The following ARMH1 variants were observed in gnomAD, a reference collection of about 807,000 sequenced individuals.
ARMH1 encodes armadillo-like helical domain containing protein 1.
A neutral mutation model predicts 50.2 loss-of-function variants in ARMH1; 34 were observed. That is an observed-to-expected ratio of 0.68 (90% confidence interval 0.51 to 0.90). The LOEUF is 0.90. ARMH1 is among the 40% of genes least tolerant of loss of function. The pLI is 0.00. For missense variants in ARMH1, 538 were observed against 553.9 expected (o/e 0.97, Z 0.29); for synonymous variants, 221 against 224.2 (o/e 0.99, Z 0.13).
In ARMH1 at chr1:44,724,588, C is replaced by T. The variant is rs1240482664; in HGVS notation, c.970C>T (p.Arg324Cys). The T allele has an allele frequency of 6.6e-7, 1 of 1,518,396 alleles. No individual in the cohort carries two copies. The highest frequency in any genetic ancestry group is 8.8e-7 in the Non-Finnish European group (1 of 1,135,758). 94.1% of individuals were successfully genotyped at this position (1,518,396 alleles called of 1,614,324 possible). Reference protein sequence around the residue: ...MSIAEELLYLRVVRGLMAAMG... With the variant: ...MSIAEELLYLCVVRGLMAAMG... ...CATCGCCGAGGAGCTGCTGTACCTG[C>T]GCGTGGTGCGTGGCCTAATGGCCGC... Residue 324 changes from arginine (R) to cysteine (C), a missense_variant, in exon 9 of 12, where the codon CGC (arginine) becomes TGC (cysteine). Transcript: ENST00000535358. The surrounding 1 kb of genome is among the most constrained non-coding windows in gnomAD (Gnocchi z 6.4).
At chr1:44,718,446 G>A (rs1646938343) in intron 6 of ARMH1, among the ~76,000 whole-genome samples, 1 of 152,244 alleles carries the variant, frequency 6.6e-6, no homozygotes, top group South Asian at 2.1e-4. Context: ...GGGGTTTCAG[G>A]CAGCAGCCGG....
At position 44,699,832 on chromosome 1, in the gene ARMH1, A is replaced by ATT. The variant is rs771770605; in HGVS notation, c.443-1077_443-1076dup. On this transcript the variant is annotated intron_variant, in intron 4 of 11. Coordinates refer to ENST00000535358, the MANE Select transcript of ARMH1 (RefSeq NM_001145636.2). Reference sequence around the variant, plus strand: ...TCTCCCTTTTTCCTTTTCTTTTTCTATTTTTTTTTTTTTTTGAGTTGGAGT... The same window carrying ATT: ...TCTCCCTTTTTCCTTTTCTTTTTCTATTTTTTTTTTTTTTTTTGAGTTGGAGT... 6.6e-3 allele frequency among the ~76,000 whole-genome samples: 803 copies of ATT among 121,624 alleles called. 11 individuals are homozygous for ATT. Among genetic ancestry groups the ATT allele is most frequent in the African/African-American group, 0.022 (751 of 33,426 alleles). The allele number at this position is 121,624 out of a possible 152,430, so 79.8% of individuals were successfully genotyped here.
rs985118685 is a variant in ARMH1, at chr1:44,682,881, G to A, written c.-22-6795G>A. On this transcript the variant is annotated intron_variant, in intron 1 of 11. Transcript: ENST00000535358. The surrounding 1 kb of genome is among the most constrained non-coding windows in gnomAD (Gnocchi z 4.5). Reference sequence around the variant, plus strand: ...CTCGAGCCCAGGCGATTGAGGCTGCGGTAAGTTATGATTGTGCCACTGCAC... The same window carrying A: ...CTCGAGCCCAGGCGATTGAGGCTGCAGTAAGTTATGATTGTGCCACTGCAC... 4.6e-5 allele frequency among the ~76,000 whole-genome samples: 7 copies of A among 152,172 alleles called. No homozygotes were observed. Among genetic ancestry groups the A allele is most frequent in the Non-Finnish European group, 1.0e-4 (7 of 68,030 alleles).
intron 6 of ARMH1, among the ~76,000 whole-genome samples, chr1:44,709,195 C>T (rs1646471058): frequency 6.6e-6 from 1 of 152,190 alleles, no homozygotes; most frequent in South Asian, 2.1e-4. Context: ...TTTCCTCCCA[C>T]CGTCTGGTTT....
In ARMH1 at chr1:44,725,348, C is replaced by T. The variant is rs1171978403; in HGVS notation, c.1268C>T (p.Ser423Leu). The T allele has an allele frequency of 1.9e-6, 3 of 1,551,712 alleles. No homozygotes were observed. Among genetic ancestry groups the T allele is most frequent in the African/African-American group, 1.4e-5 (1 of 73,166 alleles). The change falls in exon 12 of 12, where the codon TCG (serine) becomes TTG (leucine). Residue 423 changes from serine (S) to leucine (L), a missense_variant. Physicochemically the swap from Ser to Leu is moderately radical, Grantham distance 145. Transcript: ENST00000535358. ...SMNTLYGSRD[S>L]AQMAYLTHFE... Reference sequence around the variant, plus strand: ...AACACTCTCTATGGCTCGCGCGATTCGGCTCAGATGGCCTACCTCACACAC... The same window carrying T: ...AACACTCTCTATGGCTCGCGCGATTTGGCTCAGATGGCCTACCTCACACAC...
chr1:44,685,786 C>A (rs890188677), intron 1 of ARMH1, among the ~76,000 whole-genome samples: 7 of 152,082 alleles, frequency 4.6e-5, no homozygotes, highest in Non-Finnish European at 8.8e-5. Context: ...CGCCACCACG[C>A]CCAGCTAATT....
Position 44,689,667 on chromosome 1 carries a change from C to G in ARMH1, c.-22-9C>G, listed in dbSNP as rs1268889668. 6 of 1,544,414 alleles carry G rather than the reference C, an allele frequency of 3.9e-6. No individual in the cohort carries two copies. The African/African-American group carries it at 4.1e-5, about 11-fold the overall frequency. On this transcript the variant is annotated splice_polypyrimidine_tract_variant and intron_variant, in intron 1 of 11. Transcript: ENST00000535358. Reference sequence around the variant, plus strand: ...TCCGGTAACCTGTCTCTTTTCCCTCCCTCTGTAGCCAACTTCAGGACTGAT... The same window carrying G: ...TCCGGTAACCTGTCTCTTTTCCCTCGCTCTGTAGCCAACTTCAGGACTGAT...
chr1:44,690,830 C>A (rs992926778), intron 2 of ARMH1, among the ~76,000 whole-genome samples: 6 of 152,072 alleles, frequency 3.9e-5, no homozygotes, highest in African/African-American at 1.4e-4. Context: ...AGCCATGTAC[C>A]ACCACACCTG....
At chr1:44,703,111 G>A (rs1646166540) in intron 5 of ARMH1, among the ~76,000 whole-genome samples, 1 of 152,152 alleles carries the variant, frequency 6.6e-6, no homozygotes, top group African/African-American at 2.4e-5. Context: ...ACCAATGCAT[G>A]GGTAAAGTTT....
chr1:44,725,022 C>G, intron 10 of ARMH1, 114 bp from the exon 11 acceptor site: 1 of 1,521,148 alleles, frequency 6.6e-7, no homozygotes, highest in Non-Finnish European at 8.8e-7. Flanking sequence ...CTTTCCTGCC[C>G]TTTCGGTCAG....
chr1:44,692,706 C>T (rs1645697566), intron 2 of ARMH1, among the ~76,000 whole-genome samples: 1 of 152,088 alleles, frequency 6.6e-6, no homozygotes, highest in Admixed American at 6.6e-5. Context: ...TGGAATACAT[C>T]TGTAGGTTTA....
intron 2 of ARMH1, among the ~76,000 whole-genome samples, chr1:44,693,942 G>A (rs930773532): frequency 2.0e-5 from 3 of 152,078 alleles, no homozygotes; most frequent in East Asian, 1.9e-4. Flanking sequence ...ACCTTTTCCC[G>A]CTGTTTCTCA....
chr1:44,689,764 G>A lies in ARMH1; in HGVS notation c.67G>A (p.Ala23Thr), dbSNP rs536304377. 31 of 1,551,892 alleles carry A rather than the reference G, an allele frequency of 2.0e-5. No individual in the cohort carries two copies. The highest frequency in any genetic ancestry group is 2.4e-5 in the East Asian group (1 of 40,938). The part of the protein sequence containing the change: ...LLSFLQEWDN[A>T]GKVARSHILD... ...AAGTTTTTTACAGGAGTGGGACAAC[G>A]CTGGCAAAGTCGCAAGGAGTCACAT... The change falls in exon 2 of 12, where the codon GCT becomes ACT. Residue 23 changes from alanine (A) to threonine (T), a missense_variant. Physicochemically the swap from Ala to Thr is moderately conservative, Grantham distance 58. Transcript: ENST00000535358.
intron 6 of ARMH1, among the ~76,000 whole-genome samples, chr1:44,721,348 TTAAG>T (rs1647110745): frequency 6.6e-6 from 1 of 152,094 alleles, no homozygotes; most frequent in African/African-American, 2.4e-5. Context: ...ATCCTAACTC[TTAAG>T]TTTTTCCTAC....
chr1:44,676,701 A>G (rs1645151122), intron 1 of ARMH1, among the ~76,000 whole-genome samples: 1 of 152,180 alleles, frequency 6.6e-6, no homozygotes, highest in African/African-American at 2.4e-5. Context: ...CAGTGGAGTG[A>G]TGGGAGCAGA....
chr1:44,694,021 C>CT (rs1645744785), intron 2 of ARMH1, among the ~76,000 whole-genome samples: 1 of 152,156 alleles, frequency 6.6e-6, no homozygotes, highest in Admixed American at 6.6e-5. Context: ...GCATTCTGTG[C>CT]TTTTTTACTT....
At chr1:44,690,966 A>T (rs1645640271) in intron 2 of ARMH1, among the ~76,000 whole-genome samples, 1 of 151,654 alleles carries the variant, frequency 6.6e-6, no homozygotes, top group Non-Finnish European at 1.5e-5. Flanking sequence ...CTTCTTGAAA[A>T]GGTTGTTGAG....
chr1:44,690,008 A>G (rs1645606909), intron 2 of ARMH1, 105 bp downstream of exon 2: 1 of 956,284 alleles, frequency 1.0e-6, no homozygotes. Flanking sequence ...TCACAAGGTC[A>G]GGAGTTCGAG....
intron 2 of ARMH1, 117 bp downstream of exon 2, chr1:44,690,020 C>G (rs1312675811): frequency 2.4e-6 from 2 of 822,702 alleles, no homozygotes; most frequent in South Asian, 1.7e-5. Flanking sequence ...GAGTTCGAGA[C>G]CAGCCTAACC....
Sources: gnomAD v4.1 joint callset for allele counts (sites outside exome capture counted in the v4.1 genomes callset) on GRCh38, gnomAD v4.1.1 for gene constraint, Gnocchi (gnomAD v3.1) non-coding constraint, MANE v1.5 for transcripts, NCBI Gene and HGNC (gene_info 2026-07-23, HGNC 2026-07-21) for gene names.